Variants in PRDM16 observed in about 807,000 individuals in gnomAD.
PRDM16 encodes the protein PR/SET domain 16.
In PRDM16, 23 loss-of-function variants were observed where a neutral mutation model predicts 110.6. That is an observed-to-expected ratio of 0.21 (90% CI 0.15 to 0.29). The LOEUF is 0.29. Ranked by LOEUF, PRDM16 falls within the 10% of genes least tolerant of loss-of-function variation. The probability of loss-of-function intolerance (pLI) is 1.00; values close to 1 mark genes in which losing one functional copy is unlikely to be tolerated. For synonymous variants in PRDM16, 799 were observed against 781.8 expected (o/e 1.02, Z -0.37); for missense variants, 1,615 against 1,794.3 (o/e 0.90, Z 1.81).
chr1:3,415,939 G>T (rs1406974146), intron 10 of PRDM16, among the ~76,000 whole-genome samples: 1 of 152,264 alleles, frequency 6.6e-6, no homozygotes, highest in African/African-American at 2.4e-5. Flanking sequence ...GCTCCGGGCT[G>T]CGGAGGGGCT....
intron 3 of PRDM16, among the ~76,000 whole-genome samples, chr1:3,328,315 G>A (rs188816661): frequency 8.5e-5 from 13 of 152,360 alleles, no homozygotes; most frequent in South Asian, 6.2e-4. Flanking sequence ...CTGTGCAGTG[G>A]GGGGTGCTCA....
chr1:3,412,460 C>A lies in PRDM16; in HGVS notation c.2263C>A (p.Pro755Thr), dbSNP rs1396633685. ...CCACAACTTGCTGGTCAAGGCCGAG[C>A]CAAAGTCACCCCGGGACGCCCTCAA... is the stretch of plus-strand genomic sequence containing the variant. ...LAHNLLVKAE[P>T]KSPRDALKVG... is the part of the protein sequence containing the mutation. Residue 755 changes from proline to threonine, a missense_variant, in exon 9 of 17, where the codon CCA becomes ACA. Physicochemically the swap from Pro to Thr is conservative, Grantham distance 38 (BLOSUM62 -1). Transcript: ENST00000270722. 1.2e-6 allele frequency: 2 copies of A among 1,613,270 alleles called. No homozygotes were observed. Among genetic ancestry groups the A allele is most frequent in the Non-Finnish European group, 8.5e-7 (1 of 1,179,934 alleles).
intron 12 of PRDM16, chr1:3,424,936 G>C (rs1486123212): frequency 2.6e-5 from 4 of 152,422 alleles, no homozygotes; most frequent in African/African-American, 7.2e-5. Flanking sequence ...CCCGCGGCCT[G>C]GGGGCCAGGG....
intron 3 of PRDM16, among the ~76,000 whole-genome samples, chr1:3,310,354 G>A (rs1570041438): frequency 6.6e-6 from 1 of 152,054 alleles, no homozygotes; most frequent in Non-Finnish European, 1.5e-5. Flanking sequence ...TTCCTAAAGC[G>A]ACCCGGTCAC....
At chr1:3,172,035 G>T (rs994652709) in intron 1 of PRDM16, among the ~76,000 whole-genome samples, 3 of 152,192 alleles carry the variant, frequency 2.0e-5, no homozygotes, top group Admixed American at 6.5e-5. Context: ...GTACTCAACG[G>T]CTCCACGATG....
At chr1:3,113,996 T>C (rs775464819) in intron 1 of PRDM16, among the ~76,000 whole-genome samples, 2 of 152,256 alleles carry the variant, frequency 1.3e-5, no homozygotes, top group African/African-American at 2.4e-5. Context: ...TCCTCTGTTT[T>C]CTTTGGTTTT....
chr1:3,228,825 A>ATC (rs1026927820), intron 2 of PRDM16, among the ~76,000 whole-genome samples: 3 of 151,276 alleles, frequency 2.0e-5, no homozygotes, highest in African/African-American at 4.9e-5. Flanking sequence ...CTCTCCCTCC[A>ATC]TCTCTCTCTC....
intron 1 of PRDM16, among the ~76,000 whole-genome samples, chr1:3,131,882 C>T (rs1055587659): frequency 6.6e-6 from 1 of 152,240 alleles, no homozygotes; most frequent in African/African-American, 2.4e-5. Flanking sequence ...CTCCTCCCTC[C>T]TGGGCCTATG....
chr1:3,108,358 A>G (rs1331079484), intron 1 of PRDM16, among the ~76,000 whole-genome samples: 2 of 152,212 alleles, frequency 1.3e-5, no homozygotes, highest in Non-Finnish European at 2.9e-5. Flanking sequence ...TCTTTCATGC[A>G]GCTGGTGGGT....
At chr1:3,355,410 GC>G (rs1312211544) in intron 3 of PRDM16, among the ~76,000 whole-genome samples, 1 of 152,162 alleles carries the variant, frequency 6.6e-6, no homozygotes, top group Non-Finnish European at 1.5e-5. Flanking sequence ...CTGGCGGGGG[GC>G]TTGGCCTCCA....
chr1:3,314,806 G>A (rs770628611), intron 3 of PRDM16, among the ~76,000 whole-genome samples: 2 of 152,102 alleles, frequency 1.3e-5, no homozygotes, highest in Non-Finnish European at 1.5e-5. Context: ...CCCCTGACCC[G>A]CAGTCTGGCA....
In PRDM16 at chr1:3,162,651, T is replaced by G. The variant is rs1643909069; in HGVS notation, c.38-23474T>G. ...TGACAGCGGCGAGCCCGTGCGCCGA[T>G]GGAGGCGAATCAGGGAGCAGATGAG... On this transcript the variant is annotated intron_variant, in intron 1 of 16. Coordinates refer to ENST00000270722, the MANE Select transcript of PRDM16 (RefSeq NM_022114.4). Among the ~76,000 whole-genome samples the G allele has an allele frequency of 1.3e-5, 2 of 152,234 alleles. 1 individual carries two copies. Among genetic ancestry groups the G allele is most frequent in the South Asian group, 4.1e-4 (2 of 4,834 alleles).
chr1:3,385,968 G>T (rs1472052748), intron 4 of PRDM16, among the ~76,000 whole-genome samples: 1 of 152,224 alleles, frequency 6.6e-6, no homozygotes, highest in Non-Finnish European at 1.5e-5. Flanking sequence ...CTGATCAGGG[G>T]AGAAGACGCG....
chr1:3,413,367 C>T (rs1484497643), intron 9 of PRDM16, among the ~76,000 whole-genome samples: 5 of 151,952 alleles, frequency 3.3e-5, no homozygotes, highest in African/African-American at 9.7e-5. Context: ...GAGGAGGAGG[C>T]GAGGGATGAA....
intron 3 of PRDM16, among the ~76,000 whole-genome samples, chr1:3,329,716 G>A (rs1036936854): frequency 6.0e-4 from 92 of 152,352 alleles, no homozygotes; most frequent in African/African-American, 2.1e-3. Flanking sequence ...CTGGCTGTGG[G>A]AAGAAAAACA....
intron 3 of PRDM16, chr1:3,309,535 G>C (rs1407188609): frequency 6.6e-6 from 1 of 152,276 alleles, no homozygotes; most frequent in Non-Finnish European, 1.5e-5. Context: ...TAACCTCTCT[G>C]TGCTCATTTC....
intron 3 of PRDM16, among the ~76,000 whole-genome samples, chr1:3,295,452 C>T (rs951809605): frequency 1.3e-5 from 2 of 152,192 alleles, no homozygotes; most frequent in Non-Finnish European, 2.9e-5. Flanking sequence ...CTCGAGGACC[C>T]CCTACAGCCC....
chr1:3,368,349 A>G (rs1043014229), intron 3 of PRDM16, among the ~76,000 whole-genome samples: 19 of 152,210 alleles, frequency 1.2e-4, no homozygotes, highest in African/African-American at 4.3e-4. Flanking sequence ...AAAGAGTGCT[A>G]TGATTGAGCC....
chr1:3,391,276 G>C (rs1643295734), intron 4 of PRDM16, among the ~76,000 whole-genome samples: 1 of 152,194 alleles, frequency 6.6e-6, no homozygotes, highest in Non-Finnish European at 1.5e-5. Flanking sequence ...TTCATAACCA[G>C]CTTACAAAAG....
Sources: gnomAD v4.1 joint callset for allele counts (sites outside exome capture counted in the v4.1 genomes callset) on GRCh38, gnomAD v4.1.1 for gene constraint, MANE v1.5 for transcripts, NCBI Gene and HGNC (gene_info 2026-07-23, HGNC 2026-07-21) for gene names.